Variants in TRPC1 observed in about 807,000 individuals in gnomAD.
TRPC1 encodes the protein short transient receptor potential channel 1.
A neutral mutation model predicts 88.2 loss-of-function variants in TRPC1; 42 were observed. That is an observed-to-expected ratio of 0.48 (90% CI 0.37 to 0.62). The LOEUF (loss-of-function observed/expected upper bound fraction) is 0.62, where lower values mean the gene tolerates loss of function less well. Ranked by LOEUF, TRPC1 falls within the 20% of genes least tolerant of loss-of-function variation. The probability of loss-of-function intolerance (pLI) is 0.00; values close to 1 mark genes in which losing one functional copy is unlikely to be tolerated. For missense variants in TRPC1, 699 were observed against 957.3 expected, an observed-to-expected ratio of 0.73 and a Z score of 3.56; for synonymous variants, 288 against 331.8, an observed-to-expected ratio of 0.87 and a Z score of 1.43.
intron 6 of TRPC1, 52 bp downstream of exon 6, chr3:142,781,081 TG>T: frequency 6.8e-7 from 1 of 1,465,734 alleles, no homozygotes; most frequent in Non-Finnish European, 9.1e-7. Context: ...AGTAGTCTAG[TG>T]GCTCAGGGCA....
chr3:142,754,609 T>A (rs1281156688), intron 4 of TRPC1, among the ~76,000 whole-genome samples: 1 of 152,202 alleles, frequency 6.6e-6, no homozygotes, highest in African/African-American at 2.4e-5. Flanking sequence ...TTTTTATAAT[T>A]TTGAATTTGA....
At chr3:142,757,777 G>A (rs971703182) in intron 4 of TRPC1, among the ~76,000 whole-genome samples, 3 of 152,034 alleles carry the variant, frequency 2.0e-5, no homozygotes, top group South Asian at 2.1e-4. Flanking sequence ...AAATCTGCAC[G>A]TTCTGCACAT....
At chr3:142,762,072 G>C (rs1935200056) in intron 4 of TRPC1, among the ~76,000 whole-genome samples, 1 of 152,050 alleles carries the variant, frequency 6.6e-6, no homozygotes, top group South Asian at 2.1e-4. Context: ...GTCTCACTCT[G>C]TCACCCAGTC....
chr3:142,781,258 CAATA>C (rs1935950492), intron 6 of TRPC1, among the ~76,000 whole-genome samples: 1 of 152,030 alleles, frequency 6.6e-6, no homozygotes, highest in Non-Finnish European at 1.5e-5. Context: ...AGCAAGTATG[CAATA>C]AATGGTAGTT....
rs189331163 is a variant in TRPC1, at chr3:142,774,520, G to A, written c.633-3112G>A. Among the ~76,000 whole-genome samples the A allele has an allele frequency of 1.7e-3, 255 of 152,264 alleles. 1 individual carries two copies. Among genetic ancestry groups the A allele is most frequent in the Non-Finnish European group, 1.2e-3 (80 of 68,018 alleles). On this transcript the variant is annotated intron_variant, in intron 4 of 12. Transcript: ENST00000476941. ...TTGGCACCCTGGCATGAAACTACAA[G>A]TATACCAGCTACAGGATGGCAAAAC...
intron 8 of TRPC1, 21 bp downstream of exon 8, chr3:142,791,179 T>C (rs1251986595): frequency 6.3e-7 from 1 of 1,579,290 alleles, no homozygotes; most frequent in Admixed American, 1.9e-5. Context: ...ACTATGTCAA[T>C]TGAAGGCACA....
chr3:142,734,364 G>A (rs1560091670), intron 1 of TRPC1, among the ~76,000 whole-genome samples: 1 of 152,058 alleles, frequency 6.6e-6, no homozygotes. Context: ...AAATTTTTAA[G>A]AAATCAGTGA....
chr3:142,804,142 G>T lies in TRPC1; in HGVS notation c.1923G>T (p.Leu641=). ...TTGTGATTGTGCTTACCAAACTGCT[G>T]GTGGCAATGCTTCATAAAAGCTTTC... ...VVVVIVLTKL[L]VAMLHKSFQL... Residue 641 remains leucine, a synonymous_variant, in exon 11 of 13, where the codon CTG becomes CTT. Coordinates refer to ENST00000476941, the MANE Select transcript of TRPC1 (RefSeq NM_001251845.2). 6.2e-7 allele frequency: 1 copy of T among 1,613,824 alleles called. No homozygotes were observed. Among genetic ancestry groups the T allele is most frequent in the Non-Finnish European group, 8.5e-7 (1 of 1,179,876 alleles).
At chr3:142,800,549 GATGTAATTAATT>G (rs1485617880) in intron 9 of TRPC1, among the ~76,000 whole-genome samples, 1 of 152,084 alleles carries the variant, frequency 6.6e-6, no homozygotes. Flanking sequence ...TTTAAAGCTT[GATGTAATTAATT>G]ATATAAATTT....
At chr3:142,796,052 T>C (rs1936439566) in intron 9 of TRPC1, among the ~76,000 whole-genome samples, 1 of 152,136 alleles carries the variant, frequency 6.6e-6, no homozygotes, top group East Asian at 1.9e-4. Flanking sequence ...AAAGTCTTTA[T>C]TCACATTTAT....
intron 2 of TRPC1, among the ~76,000 whole-genome samples, chr3:142,740,783 T>C (rs756994482): frequency 3.9e-5 from 6 of 151,998 alleles, no homozygotes; most frequent in Non-Finnish European, 8.8e-5. Flanking sequence ...TTTGACACAA[T>C]GAAAGGAAGA....
At chr3:142,804,246 T>A (rs1224476948) in intron 11 of TRPC1, 68 bp downstream of exon 11, 1 of 1,411,508 alleles carries the variant, frequency 7.1e-7, no homozygotes, top group East Asian at 2.3e-5. Flanking sequence ...ATAGATAAGA[T>A]AGCCAAAGAT....
At chr3:142,802,382 CTTT>C in intron 10 of TRPC1, 38 bp downstream of exon 10, 12 of 1,104,956 alleles carry the variant, frequency 1.1e-5, no homozygotes, top group Admixed American at 3.7e-5. Flanking sequence ...ATATATTTGT[CTTT>C]TTTTTTTTTA....
In TRPC1 at chr3:142,754,275, A is replaced by G. The variant is rs545104555; in HGVS notation, c.632+5815A>G. On this transcript the variant is annotated intron_variant, in intron 4 of 12. Coordinates refer to ENST00000476941, the MANE Select transcript of TRPC1 (RefSeq NM_001251845.2). ...TAGTCTCAATATTTGATGTATTTTGAAACTTCAAATAACTTTAAAGAAGGA... is the reference window on the plus strand; with the variant it reads ...TAGTCTCAATATTTGATGTATTTTGGAACTTCAAATAACTTTAAAGAAGGA... 5.3e-5 allele frequency among the ~76,000 whole-genome samples: 8 copies of G among 152,188 alleles called. 1 individual carries two copies. In the South Asian group the frequency reaches 1.7e-3, roughly 32 times the overall value.
intron 6 of TRPC1, among the ~76,000 whole-genome samples, chr3:142,783,737 A>T (rs957106565): frequency 1.3e-5 from 2 of 152,186 alleles, no homozygotes; most frequent in Non-Finnish European, 2.9e-5. Flanking sequence ...TAATTCTACA[A>T]ATTATATTCT....
At chr3:142,743,618 T>C (rs1490160374) in intron 3 of TRPC1, 32 bp downstream of exon 3, 2 of 1,377,036 alleles carry the variant, frequency 1.5e-6, no homozygotes, top group Non-Finnish European at 1.9e-6. Context: ...TTAATTTGGA[T>C]TTTTAAACCA....
intron 7 of TRPC1, among the ~76,000 whole-genome samples, chr3:142,790,672 G>A (rs1029267502): frequency 1.3e-5 from 2 of 151,986 alleles, no homozygotes; most frequent in Non-Finnish European, 1.5e-5. Context: ...GTGTGTATCC[G>A]TGTGTGTCTC....
At chr3:142,740,103 G>C (rs1934292551) in intron 2 of TRPC1, among the ~76,000 whole-genome samples, 1 of 152,198 alleles carries the variant, frequency 6.6e-6, no homozygotes, top group Admixed American at 6.5e-5. Flanking sequence ...ATCTGAGGTG[G>C]AACAGTTTCA....
Position 142,724,738 on chromosome 3 carries a change from G to A in TRPC1, c.172+7G>A. The A allele has an allele frequency of 1.3e-6, 2 of 1,562,712 alleles. No individual in the cohort carries two copies. The highest frequency in any genetic ancestry group is 1.7e-6 in the Non-Finnish European group (2 of 1,148,902). ...TTGCTGGCGTGCGACAAGGGTGAGAGTTAGGCCCCTTTCTCCTCTGGACGC... is the reference window on the plus strand; with the variant it reads ...TTGCTGGCGTGCGACAAGGGTGAGAATTAGGCCCCTTTCTCCTCTGGACGC... On this transcript the variant is annotated splice_region_variant and intron_variant, in intron 1 of 12. Coordinates refer to ENST00000476941, the MANE Select transcript of TRPC1 (RefSeq NM_001251845.2). The surrounding 1 kb of genome is among the most constrained non-coding windows in gnomAD (Gnocchi z 5.6).
Sources: gnomAD v4.1 joint callset for allele counts (sites outside exome capture counted in the v4.1 genomes callset) on GRCh38, gnomAD v4.1.1 for gene constraint, Gnocchi (gnomAD v3.1) non-coding constraint, MANE v1.5 for transcripts, NCBI Gene and HGNC (gene_info 2026-07-23, HGNC 2026-07-21) for gene names.